The following CACNG4 variants were observed in gnomAD, a reference collection of about 807,000 sequenced individuals.
CACNG4 encodes the protein voltage-dependent calcium channel gamma-4 subunit.
CACNG4 carries 8 observed loss-of-function variants against 22.9 expected under a neutral mutation model. The observed-to-expected ratio is 0.35, with a 90% CI of 0.21 to 0.63. The LOEUF is 0.63. CACNG4 is among the 30% of genes least tolerant of loss of function. The pLI, the probability that CACNG4 is intolerant of heterozygous loss-of-function variation, is 0.72. For synonymous variants in CACNG4, 188 were observed against 191.9 expected (o/e 0.98, Z 0.17); for missense variants, 357 against 455.4 (o/e 0.78, Z 1.97).
At chr17:67,023,103 T>C (rs2035541694) in intron 2 of CACNG4, among the ~76,000 whole-genome samples, 1 of 152,088 alleles carries the variant, frequency 6.6e-6, no homozygotes, top group African/African-American at 2.4e-5. Context: ...CCTTGGCCCA[T>C]GGCAGCAGCA....
intron 1 of CACNG4, among the ~76,000 whole-genome samples, chr17:67,011,298 C>G (rs1719902961): frequency 6.6e-6 from 1 of 152,064 alleles, no homozygotes. Flanking sequence ...GGAGGATGGT[C>G]TGAAATCACG....
chr17:67,028,003 GA>G (rs1447616286), intron 3 of CACNG4, among the ~76,000 whole-genome samples: 1 of 152,008 alleles, frequency 6.6e-6, no homozygotes, highest in African/African-American at 2.4e-5. Context: ...CTGGGCGACA[GA>G]GCAAGACTCT....
At chr17:67,012,790 C>T (rs533074332) in intron 1 of CACNG4, among the ~76,000 whole-genome samples, 5 of 152,136 alleles carry the variant, frequency 3.3e-5, no homozygotes, top group African/African-American at 1.2e-4. Context: ...GCTGGTCGCT[C>T]GCGGCAGCCA....
intron 1 of CACNG4, among the ~76,000 whole-genome samples, chr17:66,985,285 C>T (rs2035298798): frequency 6.6e-6 from 1 of 152,242 alleles, no homozygotes; most frequent in Non-Finnish European, 1.5e-5. Flanking sequence ...TTCATTCATT[C>T]ATTCAGCAAA....
chr17:66,990,136 C>T (rs942791037), intron 1 of CACNG4, among the ~76,000 whole-genome samples: 1 of 152,196 alleles, frequency 6.6e-6, no homozygotes, highest in South Asian at 2.1e-4. Context: ...ATTTGCCAGG[C>T]GGCTTCCCTT....
intron 1 of CACNG4, among the ~76,000 whole-genome samples, chr17:66,983,991 A>G (rs769287624): frequency 2.6e-5 from 4 of 152,218 alleles, no homozygotes; most frequent in Non-Finnish European, 5.9e-5. Flanking sequence ...ACAATGTTCT[A>G]TATTTTGATC....
At position 66,990,647 on chromosome 17, in the gene CACNG4, C is replaced by CTTATTTTATTTTATTTTATT. The variant is rs59079283; in HGVS notation, c.220+25538_220+25557dup. On this transcript the variant is annotated intron_variant, in intron 1 of 3. Coordinates refer to ENST00000262138, the MANE Select transcript of CACNG4 (RefSeq NM_014405.4). ...TCTGCACTCTTTAAATCTAAGTCTC[C>CTTATTTTATTTTATTTTATT]TTATTTTATTTTATTTTATTTTATT... Among the ~76,000 whole-genome samples, 536 of 148,618 alleles carry CTTATTTTATTTTATTTTATT rather than the reference C, an allele frequency of 3.6e-3. 3 individuals carry two copies. The highest frequency in any genetic ancestry group is 0.012 in the African/African-American group (491 of 40,038).
intron 1 of CACNG4, among the ~76,000 whole-genome samples, chr17:67,008,632 C>A (rs1433239283): frequency 6.6e-6 from 1 of 152,120 alleles, no homozygotes; most frequent in Non-Finnish European, 1.5e-5. Context: ...GAAGTCCTAA[C>A]CCCAGTACTT....
chr17:66,988,575 A>G (rs1275416607), intron 1 of CACNG4, among the ~76,000 whole-genome samples: 1 of 152,056 alleles, frequency 6.6e-6, no homozygotes, highest in Non-Finnish European at 1.5e-5. Flanking sequence ...CACCTCAGTA[A>G]TGCATCCGGC....
chr17:66,975,358 G>C (rs1263614114), intron 1 of CACNG4, among the ~76,000 whole-genome samples: 3 of 152,138 alleles, frequency 2.0e-5, no homozygotes, highest in Admixed American at 6.5e-5. Flanking sequence ...CAGACGGTCA[G>C]CATTGAAGCC....
chr17:66,964,947 G>C lies in CACNG4; in HGVS notation c.36G>C (p.Leu12=). 6.2e-7 allele frequency: 1 copy of C among 1,603,500 alleles called. No homozygotes were observed. Among genetic ancestry groups the C allele is most frequent in the Non-Finnish European group, 8.5e-7 (1 of 1,176,960 alleles). The change falls in exon 1 of 4, where the codon CTG becomes CTC. Residue 12 remains leucine, a synonymous_variant. Transcript: ENST00000262138. ...GCGACCGCGGGCTGCAGATGCTGCT[G>C]ACCACGGCCGGAGCCTTCGCCGCCT... is the stretch of plus-strand genomic sequence containing the variant. ...VRCDRGLQML[L]TTAGAFAAFS...
chr17:66,990,791 C>G (rs2035335423), intron 1 of CACNG4, among the ~76,000 whole-genome samples: 1 of 152,106 alleles, frequency 6.6e-6, no homozygotes, highest in Non-Finnish European at 1.5e-5. Context: ...CACCATTCAC[C>G]TGCCTCAGCC....
intron 2 of CACNG4, among the ~76,000 whole-genome samples, chr17:67,023,784 C>T (rs2035546953): frequency 6.6e-6 from 1 of 151,470 alleles, no homozygotes; most frequent in Non-Finnish European, 1.5e-5. Context: ...ACCATGTTGG[C>T]CAGGCTGGTC....
intron 3 of CACNG4, among the ~76,000 whole-genome samples, chr17:67,025,279 C>A (rs2035557250): frequency 6.6e-6 from 1 of 152,206 alleles, no homozygotes; most frequent in African/African-American, 2.4e-5. Context: ...TTGTGCCCTT[C>A]AAAAGGGTTA....
intron 1 of CACNG4, among the ~76,000 whole-genome samples, chr17:66,993,914 C>T (rs747775712): frequency 1.3e-5 from 2 of 152,120 alleles, no homozygotes; most frequent in African/African-American, 4.8e-5. Flanking sequence ...CCATCACACC[C>T]GGCCAATGAG....
At chr17:66,992,939 G>A (rs1211670692) in intron 1 of CACNG4, among the ~76,000 whole-genome samples, 1 of 152,272 alleles carries the variant, frequency 6.6e-6, no homozygotes, top group African/African-American at 2.4e-5. Flanking sequence ...CACCCAAGTG[G>A]GACTTCTCAG....
At chr17:66,989,019 C>T in intron 1 of CACNG4, among the ~76,000 whole-genome samples, 1 of 141,312 alleles carries the variant, frequency 7.1e-6, no homozygotes, top group African/African-American at 2.9e-5. Context: ...CAAGATCATG[C>T]CACTGTACTC....
chr17:67,012,859 A>G (rs1356501458), intron 1 of CACNG4, among the ~76,000 whole-genome samples: 1 of 152,204 alleles, frequency 6.6e-6, no homozygotes, highest in Non-Finnish European at 1.5e-5. Flanking sequence ...GGGTGACCAT[A>G]CACCCTCAGT....
intron 1 of CACNG4, among the ~76,000 whole-genome samples, chr17:66,997,097 T>G (rs1444549846): frequency 6.6e-6 from 1 of 151,528 alleles, no homozygotes; most frequent in Admixed American, 6.6e-5. Context: ...CTGTGGGAGG[T>G]GGAAGGTCAG....
Sources: gnomAD v4.1 joint callset for allele counts (sites outside exome capture counted in the v4.1 genomes callset) on GRCh38, gnomAD v4.1.1 for gene constraint, MANE v1.5 for transcripts, NCBI Gene and HGNC (gene_info 2026-07-23, HGNC 2026-07-21) for gene names.